The following HPGDS variants were observed in gnomAD, a reference collection of about 807,000 sequenced individuals.
HPGDS encodes the protein GST class-sigma.
HPGDS carries 26 observed loss-of-function variants against 23.1 expected under a neutral mutation model. The observed-to-expected ratio is 1.13, with a 90% CI of 0.83 to 1.56. The LOEUF is 1.56. HPGDS is among the 40% of genes most tolerant of loss of function. The pLI is 0.00. For synonymous variants in HPGDS, 95 were observed against 77.9 expected (o/e 1.22, Z -1.16); for missense variants, 268 against 236.4 (o/e 1.13, Z -0.88).
intron 4 of HPGDS, among the ~76,000 whole-genome samples, chr4:94,302,584 TC>T (rs1467649583): frequency 6.6e-6 from 1 of 152,116 alleles, no homozygotes; most frequent in Admixed American, 6.6e-5. Flanking sequence ...TCCTAAAATT[TC>T]CCTCTTTCTT....
chr4:94,309,944 G>C (rs112835622), intron 3 of HPGDS, among the ~76,000 whole-genome samples: 1 of 152,090 alleles, frequency 6.6e-6, no homozygotes, highest in Non-Finnish European at 1.5e-5. Context: ...AGAAGTGTCT[G>C]TTCATATCTT....
Position 94,299,436 on chromosome 4 carries a change from G to T in HPGDS, c.*44C>A, listed in dbSNP as rs1287308806. On this transcript the variant is annotated 3_prime_UTR_variant, in exon 6 of 6. Transcript: ENST00000295256. Reference sequence around the variant, plus strand: ...GATGTAGCTGTCTTATCTGATGAGAGAGATGCCCCCGAGAAAAACAAACTT... The same window carrying T: ...GATGTAGCTGTCTTATCTGATGAGATAGATGCCCCCGAGAAAAACAAACTT... 6.4e-7 allele frequency: 1 copy of T among 1,554,324 alleles called. No individual in the cohort carries two copies. Among genetic ancestry groups the T allele is most frequent in the South Asian group, 1.2e-5 (1 of 83,016 alleles).
At chr4:94,313,212 G>T (rs1461923079) in intron 3 of HPGDS, among the ~76,000 whole-genome samples, 2 of 152,172 alleles carry the variant, frequency 1.3e-5, no homozygotes, top group Non-Finnish European at 2.9e-5. Flanking sequence ...CTCATTAGCT[G>T]ATGCAGTTTC....
chr4:94,318,503 A>G (rs1756440137), intron 2 of HPGDS, among the ~76,000 whole-genome samples: 1 of 152,096 alleles, frequency 6.6e-6, no homozygotes. Flanking sequence ...ATTCAGGACC[A>G]TGTTGTTTAA....
intron 2 of HPGDS, among the ~76,000 whole-genome samples, chr4:94,329,142 GT>G (rs368991575): frequency 0.016 from 2,472 of 151,446 alleles, 56 homozygotes; most frequent in African/African-American, 0.055. Context: ...TCAGGGAGAG[GT>G]TTTTTTTTGT....
At chr4:94,323,411 G>T (rs1026855098) in intron 2 of HPGDS, among the ~76,000 whole-genome samples, 3 of 152,118 alleles carry the variant, frequency 2.0e-5, no homozygotes, top group African/African-American at 7.2e-5. Flanking sequence ...CTCTTTGTAG[G>T]TCTCTAAGGA....
At position 94,317,931 on chromosome 4, in the gene HPGDS, A is replaced by C; in HGVS notation, c.168T>G (p.Val56=). 6.2e-7 allele frequency: 1 copy of C among 1,611,914 alleles called. No individual in the cohort carries two copies. The highest frequency in any genetic ancestry group is 8.5e-7 in the Non-Finnish European group (1 of 1,178,910). ...LPFGKIPILE[V]DGLTLHQSLA... ...GGCTCTGGTGAAGAGTAAGTCCATC[A>C]ACTTCCAAAATGGGGATTTTTCCAA... Residue 56 remains valine, a synonymous_variant, in exon 3 of 6, where the codon GTT becomes GTG. Transcript: ENST00000295256.
intron 2 of HPGDS, among the ~76,000 whole-genome samples, chr4:94,319,980 C>A (rs1164932246): frequency 6.6e-6 from 1 of 152,174 alleles, no homozygotes; most frequent in African/African-American, 2.4e-5. Context: ...TCTCATTGTT[C>A]AGTTCCCACC....
chr4:94,300,573 TA>T (rs1217606973), intron 5 of HPGDS, among the ~76,000 whole-genome samples: 6 of 152,188 alleles, frequency 3.9e-5, no homozygotes, highest in Non-Finnish European at 5.9e-5. Flanking sequence ...GAATTCAGAA[TA>T]AATCCAGAAT....
At position 94,308,701 on chromosome 4, in the gene HPGDS, G is replaced by A; in HGVS notation, c.269C>T (p.Ala90Val). ...GAAATCATCCAGAGTGTCCACAATAGCATCAACATGACATTGTTCCATTTC... is the reference window on the plus strand; with the variant it reads ...GAAATCATCCAGAGTGTCCACAATAACATCAACATGACATTGTTCCATTTC... ...NTEMEQCHVDAIVDTLDDFMS... is the reference protein window; with the variant it reads ...NTEMEQCHVDVIVDTLDDFMS... The change falls in exon 4 of 6, where the codon GCT (alanine) becomes GTT (valine). Residue 90 changes from alanine (A) to valine (V), a missense_variant. Transcript: ENST00000295256. The A allele has an allele frequency of 6.2e-7, 1 of 1,607,876 alleles. No homozygotes were observed.
chr4:94,342,607 A>T (rs183456724), intron 1 of HPGDS, among the ~76,000 whole-genome samples, 188 bp downstream of exon 1: 2 of 152,170 alleles, frequency 1.3e-5, no homozygotes, highest in Admixed American at 6.5e-5. Context: ...AAAAATGACT[A>T]TTTGAGTTTC....
intron 1 of HPGDS, among the ~76,000 whole-genome samples, chr4:94,340,342 T>C (rs1280697141): frequency 2.7e-4 from 17 of 63,144 alleles, no homozygotes; most frequent in African/African-American, 6.9e-4. Flanking sequence ...TTTTTTTTTT[T>C]TTTTTTTTTT....
At chr4:94,303,865 C>A (rs1579425160) in intron 4 of HPGDS, 2 of 152,220 alleles carry the variant, frequency 1.3e-5, no homozygotes, top group Admixed American at 6.5e-5. Context: ...TATATCTGTG[C>A]TACTGACTTC....
Position 94,305,605 on chromosome 4 carries a change from T to C in HPGDS, c.336+3029A>G, listed in dbSNP as rs139129718. 3.2e-3 allele frequency among the ~76,000 whole-genome samples: 483 copies of C among 152,226 alleles called. 3 individuals carry two copies. The highest frequency in any genetic ancestry group is 5.7e-3 in the Non-Finnish European group (390 of 67,998). On this transcript the variant is annotated intron_variant, in intron 4 of 5. Transcript: ENST00000295256. Reference sequence around the variant, plus strand: ...GCTTTAGCTTTAACATGTACATAAATATTCATGCGCAGCTGTTTTGAACAG... The same window carrying C: ...GCTTTAGCTTTAACATGTACATAAACATTCATGCGCAGCTGTTTTGAACAG...
intron 2 of HPGDS, among the ~76,000 whole-genome samples, chr4:94,331,190 T>G (rs1041101212): frequency 6.6e-6 from 1 of 152,174 alleles, no homozygotes; most frequent in African/African-American, 2.4e-5. Flanking sequence ...ACTTACTAAG[T>G]TAGGTTACAG....
At chr4:94,319,078 T>A (rs1380615897) in intron 2 of HPGDS, among the ~76,000 whole-genome samples, 1 of 152,132 alleles carries the variant, frequency 6.6e-6, no homozygotes, top group Non-Finnish European at 1.5e-5. Flanking sequence ...TTCAGCCCAA[T>A]GTTTCTTTGT....
intron 1 of HPGDS, among the ~76,000 whole-genome samples, chr4:94,335,467 T>C (rs1191549402): frequency 6.6e-6 from 1 of 152,234 alleles, no homozygotes; most frequent in African/African-American, 2.4e-5. Flanking sequence ...TGGAATATAT[T>C]TTAATTTCGT....
rs1178333949 is a variant in HPGDS, at chr4:94,302,129, A to G, written c.435+17T>C. 1.3e-6 allele frequency: 2 copies of G among 1,541,302 alleles called. No individual in the cohort carries two copies. Among genetic ancestry groups the G allele is most frequent in the African/African-American group, 2.7e-5 (2 of 73,404 alleles). ...CTTTTATTTGCTTGAATTTTTTAAGATATAAAACATACTCACAGAGTTACC... is the reference window on the plus strand; with the variant it reads ...CTTTTATTTGCTTGAATTTTTTAAGGTATAAAACATACTCACAGAGTTACC... On this transcript the variant is annotated intron_variant, in intron 5 of 5. Transcript: ENST00000295256.
intron 1 of HPGDS, among the ~76,000 whole-genome samples, chr4:94,334,935 G>C (rs1560596087): frequency 6.6e-6 from 1 of 152,066 alleles, no homozygotes; most frequent in Non-Finnish European, 1.5e-5. Flanking sequence ...AACCTTCAGA[G>C]CATGGAGCAA....
Sources: allele counts gnomAD v4.1 joint callset (sites outside exome capture counted in the v4.1 genomes callset), GRCh38; gene constraint gnomAD v4.1.1; transcripts MANE v1.5; gene names NCBI Gene and HGNC (gene_info 2026-07-23, HGNC 2026-07-21).